The following PRICKLE2 variants were observed in gnomAD, a reference collection of about 807,000 sequenced individuals.
PRICKLE2 encodes the protein prickle-like protein 2.
In PRICKLE2, 21 loss-of-function variants were observed where a neutral mutation model predicts 81.4. The observed-to-expected ratio is 0.26, with a 90% CI of 0.18 to 0.37. The LOEUF is 0.37. Among genes scored for constraint, PRICKLE2 ranks in the 10% least tolerant of loss-of-function variants. The probability of loss-of-function intolerance (pLI) is 1.00; values close to 1 mark genes in which losing one functional copy is unlikely to be tolerated. For missense variants in PRICKLE2, 940 were observed against 1,109.0 expected (o/e 0.85, Z 2.16); for synonymous variants, 456 against 421.5 (o/e 1.08, Z -1.00).
intron 7 of PRICKLE2, among the ~76,000 whole-genome samples, chr3:64,129,941 C>G (rs532802700): frequency 6.6e-6 from 1 of 152,306 alleles, no homozygotes; most frequent in Non-Finnish European, 1.5e-5. Flanking sequence ...AAGACTTGAG[C>G]TTTGTGTCAA....
chr3:64,197,564 AG>A (rs2078480187), intron 2 of PRICKLE2, among the ~76,000 whole-genome samples: 1 of 152,210 alleles, frequency 6.6e-6, no homozygotes, highest in African/African-American at 2.4e-5. Context: ...GAACATGCAC[AG>A]AGTTGGAGGC....
upstream of PRICKLE2, among the ~76,000 whole-genome samples, chr3:64,227,021 G>A (rs538797685): frequency 2.0e-5 from 3 of 152,356 alleles, no homozygotes; most frequent in East Asian, 5.8e-4. Flanking sequence ...TGCAGTTCCT[G>A]AAGCTTCAAA....
chr3:64,244,581 A>T (rs1018673267), intron 2 of PRICKLE2, among the ~76,000 whole-genome samples: 8 of 150,156 alleles, frequency 5.3e-5, no homozygotes, highest in Admixed American at 2.0e-4. Flanking sequence ...TGATAAACCT[A>T]GAGGAGAAAA....
intron 2 of PRICKLE2, among the ~76,000 whole-genome samples, chr3:64,234,370 T>C (rs1213619843): frequency 6.6e-6 from 1 of 152,232 alleles, no homozygotes; most frequent in East Asian, 1.9e-4. Flanking sequence ...TATGAAGTAA[T>C]ACCTCATAGT....
intron 1 of PRICKLE2, among the ~76,000 whole-genome samples, chr3:64,207,999 A>G (rs1267842430): frequency 2.0e-5 from 3 of 152,182 alleles, no homozygotes; most frequent in Admixed American, 6.5e-5. Flanking sequence ...TGAGTTTCCA[A>G]TGAAAGCATC....
In PRICKLE2 at chr3:64,093,249, C is replaced by A. The variant is rs1239686931; in HGVS notation, c.*5802G>T. The A allele has an allele frequency of 6.5e-6, 1 of 152,820 alleles. No homozygotes were observed. The highest frequency in any genetic ancestry group is 6.5e-5 in the Admixed American group (1 of 15,372). 9.5% of individuals were successfully genotyped at this position (152,820 alleles called of 1,614,324 possible). ...TATTCCATTGTATGTATACACCACA[C>A]CTTGTTTACACATTCATCCATCAGT... On this transcript the variant is annotated 3_prime_UTR_variant, in exon 8 of 8. Coordinates refer to ENST00000638394, the MANE Select transcript of PRICKLE2 (RefSeq NM_198859.4).
In PRICKLE2 at chr3:64,259,314, C is replaced by CGAG. The variant is rs1173635969; in HGVS notation, c.129-60348_129-60347insCTC. Among the ~76,000 whole-genome samples, 30 of 152,258 alleles carry CGAG rather than the reference C, an allele frequency of 2.0e-4. 1 individual carries two copies. The highest frequency in any genetic ancestry group is 1.0e-3 in the Admixed American group (16 of 15,302). ...GCTAAGTGCACCACAAGTTTTATCTCATTTAATTTTATAATACGCCTAGGA... is the reference window on the plus strand; with the variant it reads ...GCTAAGTGCACCACAAGTTTTATCTCGAGATTTAATTTTATAATACGCCTAGGA... On this transcript the variant is annotated intron_variant, in intron 2 of 8. Transcript: ENST00000295902.
At chr3:64,174,795 C>T (rs932416975) in intron 2 of PRICKLE2, 8 of 216,668 alleles carry the variant, frequency 3.7e-5, no homozygotes, top group Non-Finnish European at 8.0e-5. Flanking sequence ...CCCACTTTAG[C>T]CATCTTGCTT....
At chr3:64,242,823 C>A (rs888938056) in intron 2 of PRICKLE2, among the ~76,000 whole-genome samples, 3 of 152,220 alleles carry the variant, frequency 2.0e-5, no homozygotes, top group Admixed American at 1.3e-4. Flanking sequence ...CAAGAGTGTA[C>A]CTGGTCATCT....
chr3:64,117,071 C>T (rs1283193551), intron 7 of PRICKLE2, among the ~76,000 whole-genome samples: 1 of 152,078 alleles, frequency 6.6e-6, no homozygotes, highest in Non-Finnish European at 1.5e-5. Flanking sequence ...AATGTGATGC[C>T]TCACATAAAC....
intron 1 of PRICKLE2, among the ~76,000 whole-genome samples, chr3:64,213,383 C>T (rs1318583009): frequency 6.6e-6 from 1 of 152,168 alleles, no homozygotes; most frequent in African/African-American, 2.4e-5. Flanking sequence ...CCGGCCATGA[C>T]TTTCTTTTCA....
chr3:64,235,082 C>T (rs2079160821), intron 2 of PRICKLE2, among the ~76,000 whole-genome samples: 2 of 152,246 alleles, frequency 1.3e-5, no homozygotes, highest in South Asian at 4.2e-4. Context: ...CTCTGCTCTT[C>T]AGCATACACA....
chr3:64,244,615 TG>T (rs1420563652), intron 2 of PRICKLE2, among the ~76,000 whole-genome samples: 2 of 151,710 alleles, frequency 1.3e-5, no homozygotes, highest in Non-Finnish European at 2.9e-5. Flanking sequence ...TGTGTGTGTG[TG>T]TGTGTGTGTG....
At chr3:64,252,429 T>C (rs189044348) in intron 2 of PRICKLE2, among the ~76,000 whole-genome samples, 17 of 152,110 alleles carry the variant, frequency 1.1e-4, no homozygotes, top group Admixed American at 3.9e-4. Flanking sequence ...TTGGAGAAAA[T>C]TGAACATAAA....
chr3:64,120,472 G>A (rs1037135888), intron 7 of PRICKLE2, among the ~76,000 whole-genome samples: 1 of 152,132 alleles, frequency 6.6e-6, no homozygotes, highest in Non-Finnish European at 1.5e-5. Context: ...GGTGAGGGTA[G>A]GAGTCAGTGA....
intron 2 of PRICKLE2, among the ~76,000 whole-genome samples, chr3:64,231,321 C>A (rs2079097400): frequency 1.3e-5 from 2 of 152,182 alleles, no homozygotes; most frequent in Non-Finnish European, 2.9e-5. Context: ...TACCATTGCA[C>A]ATTTCCATGA....
At chr3:64,194,908 C>T (rs957767435) in intron 2 of PRICKLE2, among the ~76,000 whole-genome samples, 1 of 152,088 alleles carries the variant, frequency 6.6e-6, no homozygotes, top group African/African-American at 2.4e-5. Flanking sequence ...CTGGGTGTGG[C>T]AGCATGTGCC....
intron 2 of PRICKLE2, among the ~76,000 whole-genome samples, chr3:64,173,084 C>T (rs75563627): frequency 0.028 from 4,224 of 152,134 alleles, 183 homozygotes; most frequent in African/African-American, 0.096. Flanking sequence ...GGGAAACCAC[C>T]CCTAGGTGGA....
intron 7 of PRICKLE2, among the ~76,000 whole-genome samples, chr3:64,116,328 GACACAAA>G (rs1347320237): frequency 6.6e-6 from 1 of 151,836 alleles, no homozygotes; most frequent in Non-Finnish European, 1.5e-5. Flanking sequence ...ACTAGCCGAA[GACACAAA>G]ATAATCAAAA....
Sources: allele counts gnomAD v4.1 joint callset (sites outside exome capture counted in the v4.1 genomes callset), GRCh38; gene constraint gnomAD v4.1.1; transcripts MANE v1.5; gene names NCBI Gene and HGNC (gene_info 2026-07-23, HGNC 2026-07-21).